FREM2: variants seen among roughly 807,000 people sequenced by gnomAD.
FREM2 encodes FRAS1 related extracellular matrix 2, also known as FRAS1-related extracellular matrix protein 2.
In FREM2, 119 loss-of-function variants were observed where a neutral mutation model predicts 219.9. That is an observed-to-expected ratio of 0.54 (90% CI 0.47 to 0.63). The LOEUF (loss-of-function observed/expected upper bound fraction) is 0.63, where lower values mean the gene tolerates loss of function less well. FREM2 is among the 30% of genes least tolerant of loss of function. The probability of loss-of-function intolerance (pLI) is 0.00; values close to 1 mark genes in which losing one functional copy is unlikely to be tolerated. For missense variants in FREM2, 4,030 were observed against 3,993.6 expected (o/e 1.01, Z -0.25); for synonymous variants, 1,562 against 1,522.8 (o/e 1.03, Z -0.60).
At chr13:38,747,497 TAC>T (rs35415652) in intron 2 of FREM2, among the ~76,000 whole-genome samples, 40,051 of 146,322 alleles carry the variant, frequency 0.27, 5,710 homozygotes, top group African/African-American at 0.38. Flanking sequence ...TATACACAAA[TAC>T]ACACACACAC....
intron 6 of FREM2, 64 bp from the exon 7 acceptor site, chr13:38,846,509 G>T: frequency 5.2e-6 from 8 of 1,541,590 alleles, no homozygotes; most frequent in Non-Finnish European, 7.1e-6. Context: ...TTGGAAGCAT[G>T]TCAATAGAGT....
intron 2 of FREM2, among the ~76,000 whole-genome samples, chr13:38,699,191 G>A (rs1284634383): frequency 6.6e-6 from 1 of 152,074 alleles, no homozygotes; most frequent in Non-Finnish European, 1.5e-5. Flanking sequence ...GGATGACTGA[G>A]TAAACCTCAA....
chr13:38,814,440 C>A lies in FREM2; in HGVS notation c.6019+29632C>A, dbSNP rs528650103. ...GCACCTTGGTGGTCTTGGCTGAGAT[C>A]CAGAGCAGTTCTCTGGATTACAAGG... On this transcript the variant is annotated intron_variant, in intron 6 of 23. Coordinates refer to ENST00000280481, the MANE Select transcript of FREM2 (RefSeq NM_207361.6). Among the ~76,000 whole-genome samples, 126 of 152,308 alleles carry A rather than the reference C, an allele frequency of 8.3e-4. No individual in the cohort carries two copies. The South Asian group carries it at 0.013, about 16-fold the overall frequency.
rs1357205318 is a variant in FREM2 at position 38,872,782 on chromosome 13, C to G, written c.8024C>G (p.Pro2675Arg). 1 of 1,614,026 alleles carries G rather than the reference C, an allele frequency of 6.2e-7. No homozygotes were observed. Among genetic ancestry groups the G allele is most frequent in the Non-Finnish European group, 8.5e-7 (1 of 1,179,950 alleles). ...LVQSYVTLRV[P>R]LYVSYVFHSP... is the part of the protein sequence containing the mutation. ...CAGTCCTATGTGACCCTTCGAGTCCCTCTGTATGTTTCCTACGTGTTCCAT... is the reference window on the plus strand; with the variant it reads ...CAGTCCTATGTGACCCTTCGAGTCCGTCTGTATGTTTCCTACGTGTTCCAT... Residue 2675 changes from proline to arginine, a missense_variant, in exon 17 of 24, where the codon CCT becomes CGT. Coordinates refer to ENST00000280481, the MANE Select transcript of FREM2 (RefSeq NM_207361.6).
chr13:38,863,112 C>T (rs900757513), intron 15 of FREM2, among the ~76,000 whole-genome samples: 2 of 152,056 alleles, frequency 1.3e-5, no homozygotes, highest in African/African-American at 2.4e-5. Flanking sequence ...TGCAGTAGCG[C>T]GATCTCAGCT....
At chr13:38,765,100 C>T (rs976108918) in intron 3 of FREM2, among the ~76,000 whole-genome samples, 2 of 152,084 alleles carry the variant, frequency 1.3e-5, no homozygotes, top group Non-Finnish European at 2.9e-5. Context: ...TTAGTAGAGA[C>T]GGGGTTTCAC....
chr13:38,798,780 G>C (rs1167962833), intron 6 of FREM2, among the ~76,000 whole-genome samples: 1 of 151,958 alleles, frequency 6.6e-6, no homozygotes, highest in Non-Finnish European at 1.5e-5. Flanking sequence ...AATAGTCTCT[G>C]ATGATCATTT....
intron 4 of FREM2, among the ~76,000 whole-genome samples, chr13:38,774,806 G>T (rs1346401905): frequency 2.6e-5 from 4 of 152,108 alleles, no homozygotes; most frequent in Non-Finnish European, 5.9e-5. Flanking sequence ...AAATATAGAG[G>T]TATTTGAATA....
intron 11 of FREM2, among the ~76,000 whole-genome samples, chr13:38,855,234 T>C (rs1420303749): frequency 1.3e-5 from 2 of 152,174 alleles, no homozygotes; most frequent in Non-Finnish European, 2.9e-5. Context: ...ATCATTAGCA[T>C]TTATCTAAAA....
At position 38,884,599 on chromosome 13, in the gene FREM2, T is replaced by G. The variant is rs1878665523; in HGVS notation, c.*3812T>G. On this transcript the variant is annotated 3_prime_UTR_variant, in exon 24 of 24. Coordinates refer to ENST00000280481, the MANE Select transcript of FREM2 (RefSeq NM_207361.6). ...TCAGAAAACAAGCACATTGCCATTC[T>G]TTGAAACTCATGTTTCTAGACATGA... is the stretch of plus-strand genomic sequence containing the variant. The G allele has an allele frequency of 6.6e-6, 1 of 152,242 alleles. No homozygotes were observed. 9.4% of individuals were successfully genotyped at this position (152,242 alleles called of 1,614,324 possible).
At chr13:38,804,339 A>G (rs1205315630) in intron 6 of FREM2, among the ~76,000 whole-genome samples, 1 of 151,176 alleles carries the variant, frequency 6.6e-6, no homozygotes, top group Non-Finnish European at 1.5e-5. Flanking sequence ...GAAGGATACT[A>G]GATAGAAAAA....
chr13:38,832,131 A>G (rs949225878), intron 6 of FREM2, among the ~76,000 whole-genome samples: 2 of 151,924 alleles, frequency 1.3e-5, no homozygotes, highest in Non-Finnish European at 2.9e-5. Context: ...CCTGGCCAAC[A>G]TGGTGAAACC....
chr13:38,848,195 G>A (rs1461645355), intron 7 of FREM2, among the ~76,000 whole-genome samples: 1 of 152,072 alleles, frequency 6.6e-6, no homozygotes, highest in South Asian at 2.1e-4. Context: ...AAAGTTAGAG[G>A]AACTATAGCA....
At chr13:38,726,599 C>T (rs975307773) in intron 2 of FREM2, among the ~76,000 whole-genome samples, 1 of 152,046 alleles carries the variant, frequency 6.6e-6, no homozygotes, top group African/African-American at 2.4e-5. Flanking sequence ...AGGTTGAGAA[C>T]TACTCTGTCA....
Position 38,689,955 on chromosome 13 carries a change from G to A in FREM2, c.2611G>A (p.Ala871Thr), listed in dbSNP as rs1269932774. Residue 871 changes from alanine (A) to threonine (T), a missense_variant, in exon 1 of 24, where the codon GCA becomes ACA. Ala to Thr is a moderately conservative substitution (Grantham distance 58). Around this residue, in one of 2 missense-constraint regions of FREM2, gnomAD observed 3,102 missense variants for 2,950.7 expected, o/e 1.05. Coordinates refer to ENST00000280481, the MANE Select transcript of FREM2 (RefSeq NM_207361.6). ...VAHISFTLTQ[A>T]PKHGHMRVSG... ...CCATATCTCTTTCACTCTCACTCAG[G>A]CACCCAAACATGGCCACATGAGAGT... The A allele has an allele frequency of 3.1e-6, 5 of 1,613,966 alleles. No homozygotes were observed. In the African/African-American group the frequency reaches 5.3e-5, roughly 17 times the overall value.
At position 38,769,564 on chromosome 13, in the gene FREM2, A is replaced by G; in HGVS notation, c.5411-14A>G. ...AAAATGAAACTAAGAAAATGATATT[A>G]TGTTTTTGTGAAGGTATTGGCACAA... On this transcript the variant is annotated splice_polypyrimidine_tract_variant and intron_variant, in intron 3 of 23. Coordinates refer to ENST00000280481, the MANE Select transcript of FREM2 (RefSeq NM_207361.6). 1.3e-6 allele frequency: 2 copies of G among 1,590,258 alleles called. No individual in the cohort carries two copies. The highest frequency in any genetic ancestry group is 2.2e-5 in the South Asian group (2 of 90,462).
Position 38,851,636 on chromosome 13 carries a change from G to A in FREM2, c.6743-50G>A, listed in dbSNP as rs777630711. The A allele has an allele frequency of 7.5e-6, 10 of 1,335,214 alleles. No homozygotes were observed. In the East Asian group the frequency reaches 1.8e-4, roughly 25 times the overall value. The allele number at this position is 1,335,214 out of a possible 1,614,324, so 82.7% of individuals were successfully genotyped here. A position where few individuals can be genotyped will look rare whatever the true frequency, so the allele number is the denominator to read the frequency against. ...AACAAACATTAGAAATGGAGGAAAA[G>A]CATTCCCCTTACTAACAATTTCATT... On this transcript the variant is annotated intron_variant, in intron 10 of 23. Coordinates refer to ENST00000280481, the MANE Select transcript of FREM2 (RefSeq NM_207361.6).
intron 6 of FREM2, among the ~76,000 whole-genome samples, chr13:38,794,888 T>C (rs1035477320): frequency 6.6e-6 from 1 of 152,176 alleles, no homozygotes; most frequent in African/African-American, 2.4e-5. Context: ...CTAAGGACTT[T>C]ACATGAATAA....
chr13:38,817,685 A>G (rs533506610), intron 6 of FREM2, among the ~76,000 whole-genome samples: 1 of 152,300 alleles, frequency 6.6e-6, no homozygotes, highest in African/African-American at 2.4e-5. Context: ...AGGATAGTCA[A>G]CAAAAGGAAA....
Sources: gnomAD v4.1 joint callset for allele counts (sites outside exome capture counted in the v4.1 genomes callset) on GRCh38, gnomAD v4.1.1 for gene constraint, gnomAD v4.1.1 regional missense constraint, MANE v1.5 for transcripts, NCBI Gene and HGNC (gene_info 2026-07-23, HGNC 2026-07-21) for gene names.